KCNH5: variants seen among roughly 807,000 people sequenced by gnomAD.
KCNH5 encodes the protein voltage-gated delayed rectifier potassium channel KCNH5.
Under a neutral mutation model 96.1 loss-of-function variants are expected in KCNH5, and 46 were observed. The observed-to-expected ratio is 0.48, with a 90% CI of 0.38 to 0.61. KCNH5 has a LOEUF of 0.61. KCNH5 is among the 20% of genes least tolerant of loss of function. The pLI, the probability that KCNH5 is intolerant of heterozygous loss-of-function variation, is 0.00. For missense variants in KCNH5, 907 were observed against 1,225.8 expected, an observed-to-expected ratio of 0.74 and a Z score of 3.88; for synonymous variants, 439 against 449.8, an observed-to-expected ratio of 0.98 and a Z score of 0.30.
At chr14:62,878,161 C>T (rs1888416441) in intron 7 of KCNH5, among the ~76,000 whole-genome samples, 1 of 131,364 alleles carries the variant, frequency 7.6e-6, no homozygotes, top group Non-Finnish European at 1.5e-5. Flanking sequence ...CACATGGACA[C>T]AGGAAGGGGA....
At chr14:62,972,287 A>G (rs1268254926) in intron 6 of KCNH5, among the ~76,000 whole-genome samples, 1 of 152,226 alleles carries the variant, frequency 6.6e-6, no homozygotes, top group Non-Finnish European at 1.5e-5. Context: ...CAAAAGAGAT[A>G]CATTTAAACA....
At chr14:63,003,809 A>G (rs1180041773) in intron 3 of KCNH5, among the ~76,000 whole-genome samples, 1 of 150,214 alleles carries the variant, frequency 6.7e-6, no homozygotes, top group East Asian at 2.0e-4. Context: ...TTTAGTAGAG[A>G]CGGGGTTTCA....
intron 10 of KCNH5, among the ~76,000 whole-genome samples, chr14:62,749,437 C>T (rs1438965827): frequency 6.6e-6 from 1 of 152,160 alleles, no homozygotes; most frequent in African/African-American, 2.4e-5. Flanking sequence ...GGGTCACCTC[C>T]ATTTTGAGGA....
At chr14:62,854,514 T>C (rs1465815451) in intron 7 of KCNH5, among the ~76,000 whole-genome samples, 1 of 152,162 alleles carries the variant, frequency 6.6e-6, no homozygotes, top group Non-Finnish European at 1.5e-5. Flanking sequence ...GGAAGTTCCA[T>C]TGTCATTCAT....
At position 62,968,103 on chromosome 14, in the gene KCNH5, G is replaced by T. The variant is rs140733279; in HGVS notation, c.942+12769C>A. 4.9e-4 allele frequency among the ~76,000 whole-genome samples: 74 copies of T among 152,256 alleles called. No individual in the cohort carries two copies. The Middle Eastern group carries it at 0.014, about 28-fold the overall frequency. The stretch of plus-strand genomic sequence containing the variant: ...CACCAAACTTTTCAAATCTAAGGAA[G>T]TCTATCTTTAAAGCTGTGTATTACC... On this transcript the variant is annotated intron_variant, in intron 6 of 10. Transcript: ENST00000322893.
At chr14:62,989,006 T>C (rs1170912875) in intron 4 of KCNH5, among the ~76,000 whole-genome samples, 1 of 151,780 alleles carries the variant, frequency 6.6e-6, no homozygotes, top group Non-Finnish European at 1.5e-5. Context: ...CCATCCTCTT[T>C]TCACTATTAC....
intron 10 of KCNH5, among the ~76,000 whole-genome samples, chr14:62,723,962 C>T (rs1042439005): frequency 5.3e-5 from 8 of 152,140 alleles, no homozygotes; most frequent in Admixed American, 3.9e-4. Flanking sequence ...GATTTTCTAA[C>T]TTTCCATAGA....
At chr14:62,843,709 C>G (rs1453869251) in intron 8 of KCNH5, among the ~76,000 whole-genome samples, 1 of 152,126 alleles carries the variant, frequency 6.6e-6, no homozygotes, top group Non-Finnish European at 1.5e-5. Context: ...TGAGCCCGGC[C>G]CCTACATGGC....
chr14:62,790,580 C>CT (rs199614738), intron 9 of KCNH5, among the ~76,000 whole-genome samples: 504 of 141,090 alleles, frequency 3.6e-3, no homozygotes, highest in Middle Eastern at 0.027. Context: ...TTCTTTCCTT[C>CT]TTTTTTTTTT....
intron 9 of KCNH5, among the ~76,000 whole-genome samples, chr14:62,788,093 T>A (rs1886356646): frequency 6.6e-6 from 1 of 152,178 alleles, no homozygotes; most frequent in African/African-American, 2.4e-5. Flanking sequence ...CTAGAGAAAG[T>A]AAATGGGAAA....
chr14:62,954,606 G>A (rs1429658368), intron 6 of KCNH5, among the ~76,000 whole-genome samples: 2 of 152,098 alleles, frequency 1.3e-5, no homozygotes, highest in African/African-American at 4.8e-5. Context: ...TGTAACTTAG[G>A]GTTGCATTAA....
intron 1 of KCNH5, among the ~76,000 whole-genome samples, chr14:63,018,423 C>A (rs1039637315): frequency 6.6e-6 from 1 of 151,766 alleles, no homozygotes; most frequent in African/African-American, 2.4e-5. Flanking sequence ...TAGGGTGAGA[C>A]AATAAGGAAT....
intron 6 of KCNH5, among the ~76,000 whole-genome samples, chr14:62,960,555 C>A (rs1890188039): frequency 6.6e-6 from 1 of 152,070 alleles, no homozygotes; most frequent in African/African-American, 2.4e-5. Flanking sequence ...TGGATAGAAA[C>A]CACAAAACAG....
chr14:62,899,133 A>T (rs1194151500), intron 7 of KCNH5, among the ~76,000 whole-genome samples: 3 of 152,174 alleles, frequency 2.0e-5, no homozygotes, highest in Non-Finnish European at 2.9e-5. Flanking sequence ...CATTATTCTA[A>T]AGCATTCAGG....
In KCNH5 at chr14:62,874,578, C is replaced by G. The variant is rs566741608; in HGVS notation, c.1370-24726G>C. 7.2e-5 allele frequency among the ~76,000 whole-genome samples: 11 copies of G among 151,840 alleles called. No individual in the cohort carries two copies. In the East Asian group the frequency reaches 2.1e-3, roughly 30 times the overall value. ...ATGTAATCCAGCATATAAACAGAGC[C>G]AAAGACAAAAACCACATGATTATCT... is the stretch of plus-strand genomic sequence containing the variant. On this transcript the variant is annotated intron_variant, in intron 7 of 10. Coordinates refer to ENST00000322893, the MANE Select transcript of KCNH5 (RefSeq NM_139318.5).
chr14:62,910,901 A>ACACACC (rs1889137480), intron 7 of KCNH5, among the ~76,000 whole-genome samples: 1 of 75,300 alleles, frequency 1.3e-5, no homozygotes, highest in Non-Finnish European at 2.9e-5. Flanking sequence ...TGCATACACC[A>ACACACC]CACACACACA....
At chr14:62,773,997 C>A (rs1283165591) in intron 10 of KCNH5, among the ~76,000 whole-genome samples, 2 of 152,096 alleles carry the variant, frequency 1.3e-5, no homozygotes, top group Non-Finnish European at 2.9e-5. Context: ...CACTGGTTAC[C>A]CTCAAGTCCA....
At chr14:62,916,254 C>G (rs1378539225) in intron 7 of KCNH5, among the ~76,000 whole-genome samples, 1 of 152,120 alleles carries the variant, frequency 6.6e-6, no homozygotes, top group Non-Finnish European at 1.5e-5. Context: ...GCCCAGCCAG[C>G]CAGGGTTTCA....
intron 7 of KCNH5, among the ~76,000 whole-genome samples, chr14:62,912,013 G>T (rs1889166883): frequency 6.9e-6 from 1 of 144,766 alleles, no homozygotes. Context: ...ATTCCAGCCT[G>T]GGTGACAGAG....
Sources: gnomAD v4.1 joint callset for allele counts (sites outside exome capture counted in the v4.1 genomes callset) on GRCh38, gnomAD v4.1.1 for gene constraint, MANE v1.5 for transcripts, NCBI Gene and HGNC (gene_info 2026-07-23, HGNC 2026-07-21) for gene names.